The following ALK variants were observed in gnomAD, a reference collection of about 807,000 sequenced individuals.
ALK encodes ALK receptor tyrosine kinase.
Under a neutral mutation model 163.1 loss-of-function variants are expected in ALK, and 74 were observed. The ratio of observed to expected loss-of-function variants is 0.45; its 90% CI spans 0.38 to 0.55. The LOEUF (loss-of-function observed/expected upper bound fraction) is 0.55, where lower values mean the gene tolerates loss of function less well. Among genes scored for constraint, ALK ranks in the 20% least tolerant of loss-of-function variants. The probability of loss-of-function intolerance (pLI) is 0.00; values close to 1 mark genes in which losing one functional copy is unlikely to be tolerated. For missense variants in ALK, 2,063 were observed against 2,105.3 expected (o/e 0.98, Z 0.39); for synonymous variants, 960 against 843.2 (o/e 1.14, Z -2.40).
rs775024442 is a variant in ALK, at chr2:29,283,373, C to CTTGGAGGGA, written c.1818-7878_1818-7877insTCCCTCCAA. On this transcript the variant is annotated intron_variant, in intron 9 of 28. Coordinates refer to ENST00000389048, the MANE Select transcript of ALK (RefSeq NM_004304.5). Reference sequence around the variant, plus strand: ...GTCTGGAGCTAGAAAGGCCCGCCATCCATTCTTCTTGGAGGGACAGGGATG... The same window carrying CTTGGAGGGA: ...GTCTGGAGCTAGAAAGGCCCGCCATCTTGGAGGGACATTCTTCTTGGAGGGACAGGGATG... 2.8e-3 allele frequency among the ~76,000 whole-genome samples: 430 copies of CTTGGAGGGA among 152,300 alleles called. 2 individuals are homozygous for CTTGGAGGGA. Among genetic ancestry groups the CTTGGAGGGA allele is most frequent in the Non-Finnish European group, 5.1e-3 (344 of 68,028 alleles).
chr2:29,862,093 A>C (rs922917267), intron 1 of ALK, among the ~76,000 whole-genome samples: 1 of 80,318 alleles, frequency 1.2e-5, no homozygotes, highest in Admixed American at 1.3e-4. Flanking sequence ...AATGATAAAA[A>C]TCCTCAGCAA....
chr2:29,869,252 T>C (rs1399008880), intron 1 of ALK, among the ~76,000 whole-genome samples: 1 of 152,228 alleles, frequency 6.6e-6, no homozygotes, highest in Non-Finnish European at 1.5e-5. Context: ...AACAGCCACA[T>C]AAAATATAGA....
chr2:29,315,495 T>G (rs909444009), intron 8 of ALK, among the ~76,000 whole-genome samples: 1 of 152,112 alleles, frequency 6.6e-6, no homozygotes, highest in African/African-American at 2.4e-5. Flanking sequence ...AGGAAAACTC[T>G]CTGCATGGGC....
chr2:29,213,123 A>G (rs1312165498), intron 24 of ALK, among the ~76,000 whole-genome samples: 1 of 152,212 alleles, frequency 6.6e-6, no homozygotes, highest in South Asian at 2.1e-4. Context: ...CCAGGTTATT[A>G]TTTACTACAT....
At chr2:29,200,752 C>T (rs1410301766) in intron 26 of ALK, among the ~76,000 whole-genome samples, 3 of 67,320 alleles carry the variant, frequency 4.5e-5, no homozygotes, top group African/African-American at 1.8e-4. Flanking sequence ...TATATATATA[C>T]GTATATATGT....
chr2:29,811,802 A>G (rs1334118932), intron 1 of ALK, among the ~76,000 whole-genome samples: 1 of 152,180 alleles, frequency 6.6e-6, no homozygotes, highest in African/African-American at 2.4e-5. Flanking sequence ...GATACTGTGT[A>G]TCTCATTGCA....
chr2:29,560,826 C>T (rs1272987522), intron 3 of ALK, among the ~76,000 whole-genome samples: 2 of 152,086 alleles, frequency 1.3e-5, no homozygotes, highest in African/African-American at 4.8e-5. Context: ...CCTAACTTGG[C>T]CTCCCAAAAT....
At chr2:29,586,010 G>A (rs1457392267) in intron 3 of ALK, among the ~76,000 whole-genome samples, 1 of 151,978 alleles carries the variant, frequency 6.6e-6, no homozygotes, top group African/African-American at 2.4e-5. Context: ...TTATGTTCTT[G>A]CTAACAGCAT....
intron 1 of ALK, among the ~76,000 whole-genome samples, chr2:29,872,980 C>T (rs4665485): frequency 6.6e-6 from 1 of 152,068 alleles, no homozygotes; most frequent in Non-Finnish European, 1.5e-5. Flanking sequence ...AAGAGACACA[C>T]AACATCTCTC....
chr2:29,894,595 G>A (rs942652845), intron 1 of ALK, among the ~76,000 whole-genome samples: 8 of 151,772 alleles, frequency 5.3e-5, no homozygotes, highest in Admixed American at 4.6e-4. Flanking sequence ...AAATTAGTGG[G>A]GACCAGCAAA....
intron 3 of ALK, among the ~76,000 whole-genome samples, chr2:29,650,186 C>T (rs1676999306): frequency 6.6e-6 from 1 of 152,102 alleles, no homozygotes; most frequent in Non-Finnish European, 1.5e-5. Context: ...TGAAACATAT[C>T]AAGATGAACT....
chr2:29,427,643 C>A (rs1239793683), intron 4 of ALK, among the ~76,000 whole-genome samples: 1 of 151,076 alleles, frequency 6.6e-6, no homozygotes, highest in Admixed American at 6.6e-5. Context: ...ATAAAAAGAA[C>A]AAAAGACATG....
At chr2:29,504,014 C>A (rs1190840691) in intron 4 of ALK, among the ~76,000 whole-genome samples, 1 of 151,822 alleles carries the variant, frequency 6.6e-6, no homozygotes. Context: ...GGACAATAAA[C>A]AAGGAACCAA....
rs2148442883 is a variant in ALK, at chr2:29,920,052, C to T, written c.608G>A (p.Arg203Lys). 1 of 1,614,218 alleles carries T rather than the reference C, an allele frequency of 6.2e-7. No homozygotes were observed. The highest frequency in any genetic ancestry group is 8.5e-7 in the Non-Finnish European group (1 of 1,180,052). The change falls in exon 1 of 29, where the codon AGG becomes AAG. Residue 203 changes from arginine (R) to lysine (K), a missense_variant. Around this residue, in one of 5 missense-constraint regions of ALK, gnomAD observed 987 missense variants for 939.5 expected, o/e 1.05. Transcript: ENST00000389048. ...KKASEVGREG[R>K]LSAAIRASQP... is the part of the protein sequence containing the mutation. ...GGAGGCGCGAATTGCCGCGGACAGC[C>T]TTCCCTCTCTGCCCACTTCCGACGC...
intron 1 of ALK, among the ~76,000 whole-genome samples, chr2:29,816,920 G>A (rs1368802303): frequency 6.6e-6 from 1 of 152,198 alleles, no homozygotes; most frequent in Non-Finnish European, 1.5e-5. Flanking sequence ...ACAGGAATAT[G>A]CAAGAGAGAG....
intron 9 of ALK, among the ~76,000 whole-genome samples, chr2:29,279,195 C>T (rs563216003): frequency 2.3e-4 from 35 of 152,310 alleles, no homozygotes; most frequent in African/African-American, 6.0e-4. Context: ...CTCTGCGCGG[C>T]GACAGCAGTG....
intron 11 of ALK, among the ~76,000 whole-genome samples, chr2:29,253,035 C>T (rs1342087218): frequency 1.3e-5 from 2 of 152,014 alleles, no homozygotes; most frequent in East Asian, 3.9e-4. Flanking sequence ...CTCTCTCACC[C>T]AGGCTGGAGT....
At chr2:29,278,490 C>G (rs1665602115) in intron 9 of ALK, among the ~76,000 whole-genome samples, 1 of 152,124 alleles carries the variant, frequency 6.6e-6, no homozygotes, top group African/African-American at 2.4e-5. Flanking sequence ...TCTCACACGC[C>G]TTCATCAGGT....
intron 1 of ALK, among the ~76,000 whole-genome samples, chr2:29,827,045 A>T (rs1356848401): frequency 1.3e-5 from 2 of 152,266 alleles, no homozygotes; most frequent in East Asian, 3.8e-4. Flanking sequence ...AGAGACTAAC[A>T]GAGATATCGG....
Sources: allele counts gnomAD v4.1 joint callset (sites outside exome capture counted in the v4.1 genomes callset), GRCh38; gene constraint gnomAD v4.1.1; regional missense constraint gnomAD v4.1.1; transcripts MANE v1.5; gene names NCBI Gene and HGNC (gene_info 2026-07-23, HGNC 2026-07-21).